MYH15: variants seen among roughly 807,000 people sequenced by gnomAD.
The protein encoded by MYH15 is myosin heavy chain 15.
A neutral mutation model predicts 240.5 loss-of-function variants in MYH15; 227 were observed. The observed-to-expected ratio is 0.94, with a 90% confidence interval of 0.85 to 1.05. The LOEUF (loss-of-function observed/expected upper bound fraction) is 1.05, where lower values mean the gene tolerates loss of function less well. Among genes scored for constraint, MYH15 ranks in the 50% least tolerant of loss-of-function variants. The pLI, the probability that MYH15 is intolerant of heterozygous loss-of-function variation, is 0.00. For missense variants in MYH15, 2,217 were observed against 2,247.5 expected (o/e 0.99, Z 0.27); for synonymous variants, 785 against 796.7 (o/e 0.99, Z 0.25).
At chr3:108,384,850 A>C in intron 38 of MYH15, 68 bp from the exon 39 acceptor site, 123 of 1,339,942 alleles carry the variant, frequency 9.2e-5, no homozygotes, top group Middle Eastern at 1.8e-4. Context: ...GTGTAGTCTC[A>C]TGTGGGGAAA....
chr3:108,501,966 T>G, intron 2 of MYH15, 111 bp from the exon 3 acceptor site: 1 of 1,170,100 alleles, frequency 8.5e-7, no homozygotes, highest in Non-Finnish European at 1.2e-6. Flanking sequence ...GATGCCTCAT[T>G]AGGGGATGGG....
the MYH15 span, among the ~76,000 whole-genome samples, chr3:108,537,713 T>C: frequency 1.3e-5 from 2 of 152,318 alleles, no homozygotes; most frequent in East Asian, 3.9e-4. Flanking sequence ...GTAGCACACG[T>C]GGACTAAGAT....
chr3:108,480,511 T>A (rs943900040), intron 11 of MYH15, among the ~76,000 whole-genome samples: 8 of 151,990 alleles, frequency 5.3e-5, no homozygotes, highest in Admixed American at 1.3e-4. Context: ...ATAATTAGAG[T>A]CATGCTTTAG....
In MYH15 at chr3:108,441,166, C is replaced by G; in HGVS notation, c.2750G>C (p.Arg917Thr). The G allele has an allele frequency of 6.2e-7, 1 of 1,614,184 alleles. No homozygotes were observed. Among genetic ancestry groups the G allele is most frequent in the Non-Finnish European group, 8.5e-7 (1 of 1,180,012 alleles). Residue 917 changes from arginine to threonine, a missense_variant, in exon 23 of 41, where the codon AGG becomes ACG. By Grantham distance (71) the Arg-to-Thr change is moderately conservative (BLOSUM62 -1). Transcript: ENST00000693548. Reference protein sequence around the residue: ...LEARVKELSERVEEEEEINSE... With the variant: ...LEARVKELSETVEEEEEINSE... ...ATTTATCTCCTCTTCTTCCTCCACC[C>G]TCTCCGACAGCTCCTTTACTCTGGC...
chr3:108,396,376 C>T (rs75763485), intron 35 of MYH15, among the ~76,000 whole-genome samples: 22 of 13,228 alleles, frequency 1.7e-3, no homozygotes, highest in Non-Finnish European at 6.0e-3. Context: ...TGAAACTGTT[C>T]CACCTCAGAT....
At chr3:108,507,246 T>C (rs200813901) in intron 1 of MYH15, among the ~76,000 whole-genome samples, 11 of 42,126 alleles carry the variant, frequency 2.6e-4, no homozygotes, top group South Asian at 1.8e-3. Flanking sequence ...TATATATATA[T>C]ATATATATAT....
At chr3:108,509,608 T>C (rs1223294976) in intron 1 of MYH15, among the ~76,000 whole-genome samples, 1 of 152,234 alleles carries the variant, frequency 6.6e-6, no homozygotes, top group African/African-American at 2.4e-5. Flanking sequence ...TGACTAATTC[T>C]GAATACTAGA....
At chr3:108,511,606 A>G (rs1201916467), upstream of MYH15, among the ~76,000 whole-genome samples, 3 of 152,198 alleles carry the variant, frequency 2.0e-5, no homozygotes, top group East Asian at 1.9e-4. Context: ...ATGAGAAGCT[A>G]TTCTCTCTAT....
chr3:108,528,594 C>T (rs1438905901), intron 1 of MYH15, among the ~76,000 whole-genome samples: 1 of 152,182 alleles, frequency 6.6e-6, no homozygotes, highest in Non-Finnish European at 1.5e-5. Flanking sequence ...AAGCAGTAAA[C>T]TCCCACTGAG....
intron 32 of MYH15, among the ~76,000 whole-genome samples, chr3:108,405,874 G>A (rs1450737622): frequency 2.6e-5 from 4 of 152,266 alleles, no homozygotes; most frequent in Middle Eastern, 3.4e-3. Context: ...TGGACATCAC[G>A]AGGGGATAGA....
At chr3:108,404,690 A>T (rs972439828) in intron 33 of MYH15, among the ~76,000 whole-genome samples, 1 of 152,144 alleles carries the variant, frequency 6.6e-6, no homozygotes, top group Non-Finnish European at 1.5e-5. Context: ...GACTATTAAG[A>T]CTCAGCTGCT....
intron 32 of MYH15, among the ~76,000 whole-genome samples, chr3:108,407,972 G>A (rs185855860): frequency 1.3e-5 from 2 of 152,342 alleles, no homozygotes; most frequent in African/African-American, 4.8e-5. Flanking sequence ...CACATGTTGA[G>A]TAGTGAGGGT....
chr3:108,518,549 T>C (rs2083591978), intron 1 of MYH15, among the ~76,000 whole-genome samples: 1 of 152,194 alleles, frequency 6.6e-6, no homozygotes, highest in African/African-American at 2.4e-5. Flanking sequence ...AAGCCCAACA[T>C]GTTAACAGAG....
upstream of MYH15, among the ~76,000 whole-genome samples, chr3:108,529,809 G>A (rs1367419432): frequency 6.6e-6 from 1 of 152,154 alleles, no homozygotes; most frequent in Non-Finnish European, 1.5e-5. Context: ...ATAACACAGG[G>A]AGTTTTCAGA....
intron 22 of MYH15, 49 bp from the exon 23 acceptor site, chr3:108,441,309 C>T: frequency 1.2e-6 from 2 of 1,604,024 alleles, no homozygotes; most frequent in Non-Finnish European, 1.7e-6. Context: ...AGTAATTTAT[C>T]AGCTAGGCGA....
At chr3:108,545,882 CTGAT>C in the MYH15 span, among the ~76,000 whole-genome samples, 1 of 152,082 alleles carries the variant, frequency 6.6e-6, no homozygotes, top group Non-Finnish European at 1.5e-5. Context: ...GTACCTTATA[CTGAT>C]TAACCAATCT....
At chr3:108,524,847 A>G (rs1197530989) in intron 1 of MYH15, among the ~76,000 whole-genome samples, 1 of 151,990 alleles carries the variant, frequency 6.6e-6, no homozygotes, top group East Asian at 1.9e-4. Flanking sequence ...GTCTTGATCT[A>G]CTGTTCATGG....
intron 35 of MYH15, among the ~76,000 whole-genome samples, chr3:108,395,916 A>G (rs964617511): frequency 3.3e-5 from 5 of 152,320 alleles, no homozygotes; most frequent in African/African-American, 9.6e-5. Context: ...CACCTAGACC[A>G]GTGCTGGTCA....
intron 33 of MYH15, chr3:108,404,934 T>C (rs1165020915): frequency 6.6e-6 from 1 of 152,524 alleles, no homozygotes; most frequent in Non-Finnish European, 1.5e-5. Flanking sequence ...TCCTTATACA[T>C]ATAATCATTT....
Sources: allele counts gnomAD v4.1 joint callset (sites outside exome capture counted in the v4.1 genomes callset), GRCh38; gene constraint gnomAD v4.1.1; transcripts MANE v1.5; gene names NCBI Gene and HGNC (gene_info 2026-07-23, HGNC 2026-07-21).